HIP1: variants seen among roughly 807,000 people sequenced by gnomAD.
HIP1 encodes the protein huntingtin-interacting protein 1.
Under a neutral mutation model 147.6 loss-of-function variants are expected in HIP1, and 65 were observed. That is an observed-to-expected ratio of 0.44 (90% CI 0.36 to 0.54). The LOEUF (loss-of-function observed/expected upper bound fraction) is 0.54, where lower values mean the gene tolerates loss of function less well. Among genes scored for constraint, HIP1 ranks in the 20% least tolerant of loss-of-function variants. The probability of loss-of-function intolerance (pLI) is 0.00; values close to 1 mark genes in which losing one functional copy is unlikely to be tolerated. For missense variants in HIP1, 1,061 were observed against 1,299.6 expected (o/e 0.82, Z 2.82); for synonymous variants, 479 against 504.0 (o/e 0.95, Z 0.67).
At chr7:75,586,322 C>T (rs148126034) in intron 5 of HIP1, among the ~76,000 whole-genome samples, 7 of 152,044 alleles carry the variant, frequency 4.6e-5, no homozygotes, top group African/African-American at 1.7e-4. Flanking sequence ...CCTGCCTCAG[C>T]CTCCCGAGTA....
intron 1 of HIP1, among the ~76,000 whole-genome samples, chr7:75,703,513 C>T (rs1018365825): frequency 1.3e-5 from 2 of 151,856 alleles, no homozygotes; most frequent in South Asian, 4.1e-4. Flanking sequence ...TGTGGTGGCA[C>T]ATGCCTGTAA....
intron 5 of HIP1, among the ~76,000 whole-genome samples, chr7:75,585,477 C>T (rs1449375351): frequency 6.6e-6 from 1 of 151,842 alleles, no homozygotes; most frequent in African/African-American, 2.4e-5. Context: ...CGCCCAACCC[C>T]AAAACATCTT....
At chr7:75,585,853 T>C (rs1219671903) in intron 5 of HIP1, among the ~76,000 whole-genome samples, 1 of 152,062 alleles carries the variant, frequency 6.6e-6, no homozygotes, top group Non-Finnish European at 1.5e-5. Context: ...CTCACTCTGT[T>C]GCCCAGGCGG....
chr7:75,572,590 T>A (rs1254907481), intron 8 of HIP1, among the ~76,000 whole-genome samples: 9 of 152,174 alleles, frequency 5.9e-5, no homozygotes, highest in Non-Finnish European at 1.2e-4. Context: ...GCCACTGCCA[T>A]CATGCCAGCT....
intron 2 of HIP1, among the ~76,000 whole-genome samples, chr7:75,598,007 C>A (rs1460204339): frequency 6.6e-6 from 1 of 152,106 alleles, no homozygotes; most frequent in Non-Finnish European, 1.5e-5. Context: ...GTCACCCATT[C>A]CCTAATCCAC....
chr7:75,725,582 T>A (rs530015230), intron 1 of HIP1, among the ~76,000 whole-genome samples: 2 of 152,208 alleles, frequency 1.3e-5, no homozygotes, highest in African/African-American at 2.4e-5. Flanking sequence ...AATTGAAGTA[T>A]ACAGAAAATG....
chr7:75,733,193 G>A (rs1351751600), intron 1 of HIP1, among the ~76,000 whole-genome samples: 2 of 152,104 alleles, frequency 1.3e-5, no homozygotes, highest in Non-Finnish European at 2.9e-5. Context: ...CTGACACTTG[G>A]AACCTGGAGT....
chr7:75,660,057 C>T (rs374076733), intron 1 of HIP1, among the ~76,000 whole-genome samples: 31 of 151,380 alleles, frequency 2.0e-4, no homozygotes, highest in East Asian at 9.8e-4. Flanking sequence ...ACCGGAGAAG[C>T]GGAGGTTGCA....
intron 1 of HIP1, among the ~76,000 whole-genome samples, chr7:75,600,302 G>T (rs1426459458): frequency 6.6e-6 from 1 of 151,606 alleles, no homozygotes; most frequent in Non-Finnish European, 1.5e-5. Context: ...GTACAGACGG[G>T]GTTTCGCCAT....
chr7:75,581,856 G>A (rs1239334193), intron 6 of HIP1, among the ~76,000 whole-genome samples: 8 of 152,134 alleles, frequency 5.3e-5, no homozygotes, highest in Admixed American at 2.0e-4. Context: ...GGCAGAAAGC[G>A]AGACAGACAG....
chr7:75,668,096 C>T (rs1799614598), intron 1 of HIP1, among the ~76,000 whole-genome samples: 1 of 100,870 alleles, frequency 9.9e-6, no homozygotes, highest in Admixed American at 1.0e-4. Flanking sequence ...AAGCCAAGGC[C>T]ATGACCTTTG....
intron 1 of HIP1, among the ~76,000 whole-genome samples, chr7:75,723,333 T>C (rs1801555611): frequency 6.6e-6 from 1 of 151,912 alleles, no homozygotes; most frequent in Non-Finnish European, 1.5e-5. Flanking sequence ...GATCGCGCCA[T>C]TGCACTCCAC....
chr7:75,623,470 G>A (rs776392753), intron 1 of HIP1, among the ~76,000 whole-genome samples: 2 of 152,216 alleles, frequency 1.3e-5, no homozygotes, highest in Non-Finnish European at 2.9e-5. Context: ...CAGCAGGAGG[G>A]CAGGCTGGGC....
chr7:75,655,301 G>A (rs549774728), intron 1 of HIP1, among the ~76,000 whole-genome samples: 3 of 152,126 alleles, frequency 2.0e-5, no homozygotes, highest in East Asian at 1.9e-4. Flanking sequence ...GACACAGGCC[G>A]GGCACGGTGG....
chr7:75,564,634 GC>G (rs1410728966), intron 9 of HIP1, among the ~76,000 whole-genome samples: 8 of 152,022 alleles, frequency 5.3e-5, no homozygotes, highest in Non-Finnish European at 5.9e-5. Flanking sequence ...TTAGTCTGTC[GC>G]CCAGGCTGGA....
chr7:75,581,778 C>CA (rs1389491275), intron 6 of HIP1, among the ~76,000 whole-genome samples: 2 of 151,762 alleles, frequency 1.3e-5, no homozygotes, highest in African/African-American at 4.8e-5. Context: ...GACTGCCTCT[C>CA]AAAAAACAAA....
At chr7:75,641,044 C>T (rs758576793) in intron 1 of HIP1, among the ~76,000 whole-genome samples, 4 of 151,586 alleles carry the variant, frequency 2.6e-5, no homozygotes, top group Admixed American at 6.6e-5. Flanking sequence ...TGGTGGTTCA[C>T]GCCTCTAATC....
At chr7:75,651,460 CAAAAAAAAAAAAAA>C (rs1168846001) in intron 1 of HIP1, among the ~76,000 whole-genome samples, 57 of 44,132 alleles carry the variant, frequency 1.3e-3, no homozygotes, top group Admixed American at 6.5e-3. Context: ...CTCCATATCT[CAAAAAAAAAAAAAA>C]AAAAAAAAAA....
At chr7:75,539,206 A>T (rs1794205097) in intron 30 of HIP1, 117 bp downstream of exon 30, 9 of 699,596 alleles carry the variant, frequency 1.3e-5, no homozygotes, top group Non-Finnish European at 2.3e-5. Flanking sequence ...AGAGAAGAGA[A>T]GGAAGAAGCC....
Sources: gnomAD v4.1 joint callset for allele counts (sites outside exome capture counted in the v4.1 genomes callset) on GRCh38, gnomAD v4.1.1 for gene constraint, MANE v1.5 for transcripts, NCBI Gene and HGNC (gene_info 2026-07-23, HGNC 2026-07-21) for gene names.